LUZP2: variants seen among roughly 807,000 people sequenced by gnomAD.
The protein encoded by LUZP2 is leucine zipper protein 2.
Under a neutral mutation model 51.6 loss-of-function variants are expected in LUZP2, and 52 were observed. That is an observed-to-expected ratio of 1.01 (90% confidence interval 0.81 to 1.27). LUZP2 has a LOEUF of 1.27. LUZP2 is among the 50% of genes most tolerant of loss of function. The pLI, the probability that LUZP2 is intolerant of heterozygous loss-of-function variation, is 0.00. For synonymous variants in LUZP2, 154 were observed against 137.3 expected, an observed-to-expected ratio of 1.12 and a Z score of -0.85; for missense variants, 436 against 395.4, an observed-to-expected ratio of 1.10 and a Z score of -0.87.
At chr11:24,984,703 T>G (rs1489426225) in intron 9 of LUZP2, among the ~76,000 whole-genome samples, 1 of 151,226 alleles carries the variant, frequency 6.6e-6, no homozygotes, top group Non-Finnish European at 1.5e-5. Context: ...CATTCACTGT[T>G]AGAACTATAG....
intron 9 of LUZP2, among the ~76,000 whole-genome samples, chr11:25,038,378 C>G (rs1857930556): frequency 6.6e-6 from 1 of 152,072 alleles, no homozygotes. Context: ...AGCTCATGGC[C>G]CATAGGCACT....
At chr11:24,760,601 T>C (rs1859944950) in intron 4 of LUZP2, among the ~76,000 whole-genome samples, 1 of 152,204 alleles carries the variant, frequency 6.6e-6, no homozygotes, top group African/African-American at 2.4e-5. Flanking sequence ...AAAAAGTGTT[T>C]GGTTTGGGTT....
At chr11:24,997,016 C>T (rs1280084914) in intron 9 of LUZP2, among the ~76,000 whole-genome samples, 9 of 149,746 alleles carry the variant, frequency 6.0e-5, no homozygotes, top group African/African-American at 2.0e-4. Flanking sequence ...TCCAGTCTAT[C>T]ATTGTTGGAC....
At chr11:24,712,118 G>T (rs1857850086) in intron 1 of LUZP2, among the ~76,000 whole-genome samples, 1 of 152,134 alleles carries the variant, frequency 6.6e-6, no homozygotes, top group Admixed American at 6.6e-5. Context: ...AAGAGACCTT[G>T]TTATAAACTG....
At chr11:24,902,164 C>T (rs1235501547) in intron 5 of LUZP2, among the ~76,000 whole-genome samples, 1 of 152,076 alleles carries the variant, frequency 6.6e-6, no homozygotes, top group Non-Finnish European at 1.5e-5. Context: ...ATTAGGTTCA[C>T]GAGTACATGT....
At chr11:24,557,034 A>C (rs1851889728) in intron 1 of LUZP2, among the ~76,000 whole-genome samples, 1 of 152,118 alleles carries the variant, frequency 6.6e-6, no homozygotes, top group African/African-American at 2.4e-5. Context: ...GTCTTATTCT[A>C]GCTACCACTT....
intron 5 of LUZP2, among the ~76,000 whole-genome samples, chr11:24,808,901 A>T (rs1175047191): frequency 6.6e-6 from 1 of 152,200 alleles, no homozygotes; most frequent in East Asian, 1.9e-4. Context: ...TACTATTAAA[A>T]TATAAAAACC....
intron 9 of LUZP2, among the ~76,000 whole-genome samples, chr11:25,003,839 G>T (rs1856761364): frequency 6.6e-6 from 1 of 152,058 alleles, no homozygotes; most frequent in African/African-American, 2.4e-5. Flanking sequence ...CTCCAGCTTT[G>T]GCTAATATAT....
chr11:24,591,018 C>G (rs1440360770), intron 1 of LUZP2, among the ~76,000 whole-genome samples: 1 of 152,114 alleles, frequency 6.6e-6, no homozygotes, highest in Non-Finnish European at 1.5e-5. Flanking sequence ...GCTGAGGAGG[C>G]AGATCACTTG....
rs561867925 is a variant in LUZP2 at position 24,901,483 on chromosome 11, A to G, written c.397-4508A>G. 9.2e-4 allele frequency among the ~76,000 whole-genome samples: 140 copies of G among 152,278 alleles called. 4 individuals carry two copies. The South Asian group carries it at 0.029, about 32-fold the overall frequency. On this transcript the variant is annotated intron_variant, in intron 5 of 11. Transcript: ENST00000336930. ...TAAAACTTTAAGAAAACTATTTGAG[A>G]AAAAATTCTTCATGACTTTGAAGTA...
rs1403070055 is a variant in LUZP2 at position 24,613,075 on chromosome 11, T to C, written c.62+115770T>C. 3.9e-5 allele frequency among the ~76,000 whole-genome samples: 6 copies of C among 152,242 alleles called. No individual in the cohort carries two copies. In the South Asian group the frequency reaches 1.0e-3, roughly 26 times the overall value. ...TAAACATTTAGAGAGAAGATCTTCTTCAGTAGCTATTTCTCCCTCTCTAAC... is the reference window on the plus strand; with the variant it reads ...TAAACATTTAGAGAGAAGATCTTCTCCAGTAGCTATTTCTCCCTCTCTAAC... On this transcript the variant is annotated intron_variant, in intron 1 of 11. Coordinates refer to ENST00000336930, the MANE Select transcript of LUZP2 (RefSeq NM_001009909.4).
chr11:24,516,083 T>C (rs891212849), intron 1 of LUZP2, among the ~76,000 whole-genome samples: 2 of 151,868 alleles, frequency 1.3e-5, no homozygotes, highest in African/African-American at 4.8e-5. Flanking sequence ...TTGGATGGGC[T>C]GTTGAAAATT....
intron 9 of LUZP2, among the ~76,000 whole-genome samples, chr11:25,023,417 A>G (rs1321738136): frequency 6.6e-6 from 1 of 152,030 alleles, no homozygotes; most frequent in Non-Finnish European, 1.5e-5. Context: ...TAGATTTTCT[A>G]GTTTATTTGC....
chr11:24,764,065 G>A (rs911572923), intron 5 of LUZP2, among the ~76,000 whole-genome samples: 3 of 152,150 alleles, frequency 2.0e-5, no homozygotes, highest in East Asian at 1.9e-4. Context: ...GAGTCATTTA[G>A]GGCTCAGTGA....
intron 5 of LUZP2, among the ~76,000 whole-genome samples, chr11:24,778,229 C>T (rs550121933): frequency 1.3e-5 from 2 of 151,764 alleles, no homozygotes; most frequent in South Asian, 2.1e-4. Flanking sequence ...AGTGAGACCT[C>T]GTCTCTGCAA....
intron 8 of LUZP2, 76 bp from the exon 9 acceptor site, chr11:24,983,050 G>T: frequency 6.9e-7 from 1 of 1,444,038 alleles, no homozygotes; most frequent in Non-Finnish European, 9.5e-7. Context: ...TATAGGCTAA[G>T]AGGAAAGGGA....
intron 5 of LUZP2, among the ~76,000 whole-genome samples, chr11:24,772,111 G>C (rs11028159): frequency 6.6e-6 from 1 of 152,026 alleles, no homozygotes; most frequent in Non-Finnish European, 1.5e-5. Context: ...CTGAAATGAT[G>C]CAGAAAAACA....
chr11:24,716,267 T>TC (rs1858038232), intron 1 of LUZP2, among the ~76,000 whole-genome samples: 1 of 152,202 alleles, frequency 6.6e-6, no homozygotes, highest in Admixed American at 6.5e-5. Context: ...TCTTGAGATG[T>TC]CATGGCACTA....
intron 7 of LUZP2, among the ~76,000 whole-genome samples, chr11:24,938,937 C>T (rs546562253): frequency 7.2e-5 from 11 of 152,008 alleles, no homozygotes; most frequent in Admixed American, 7.2e-4. Context: ...TAGTAGGTCT[C>T]GGAGAGGGCT....
Sources: allele counts gnomAD v4.1 joint callset (sites outside exome capture counted in the v4.1 genomes callset), GRCh38; gene constraint gnomAD v4.1.1; transcripts MANE v1.5; gene names NCBI Gene and HGNC (gene_info 2026-07-23, HGNC 2026-07-21).